Variants in MAGI1 observed in about 807,000 individuals in gnomAD.
The protein encoded by MAGI1 is membrane associated guanylate kinase, WW and PDZ domain containing 1.
A neutral mutation model predicts 139.9 loss-of-function variants in MAGI1; 58 were observed. That is an observed-to-expected ratio of 0.41 (90% CI 0.34 to 0.52). The LOEUF (loss-of-function observed/expected upper bound fraction) is 0.52, where lower values mean the gene tolerates loss of function less well. MAGI1 is among the 20% of genes least tolerant of loss of function. The probability of loss-of-function intolerance (pLI) is 0.12; values close to 1 mark genes in which losing one functional copy is unlikely to be tolerated. For synonymous variants in MAGI1, 812 were observed against 737.9 expected (o/e 1.10, Z -1.63); for missense variants, 1,874 against 1,901.6 (o/e 0.99, Z 0.27).
intron 1 of MAGI1, among the ~76,000 whole-genome samples, chr3:65,684,087 T>A (rs1278761843): frequency 1.3e-5 from 2 of 148,986 alleles, no homozygotes; most frequent in Non-Finnish European, 3.0e-5. Context: ...GGCAGGAGGA[T>A]TGCTTGAGCC....
intron 1 of MAGI1, among the ~76,000 whole-genome samples, chr3:65,715,708 C>T (rs995487554): frequency 1.8e-4 from 28 of 152,198 alleles, no homozygotes; most frequent in African/African-American, 6.5e-4. Context: ...CTCTCAGGCA[C>T]TCGCCATGCT....
intron 2 of MAGI1, among the ~76,000 whole-genome samples, chr3:65,602,536 G>T (rs2082530984): frequency 6.6e-6 from 1 of 152,046 alleles, no homozygotes; most frequent in South Asian, 2.1e-4. Context: ...ATAGCTGTGG[G>T]AGTTAGAAGG....
intron 1 of MAGI1, among the ~76,000 whole-genome samples, chr3:65,702,136 C>T (rs183289575): frequency 5.7e-4 from 86 of 152,176 alleles, no homozygotes; most frequent in African/African-American, 2.0e-3. Context: ...CCTGTGTTTA[C>T]GAGCGAGCCC....
chr3:66,037,690 ACTCT>A (rs900048433), intron 1 of MAGI1, among the ~76,000 whole-genome samples: 5 of 151,926 alleles, frequency 3.3e-5, no homozygotes, highest in African/African-American at 1.2e-4. Context: ...CAGTTCCCCA[ACTCT>A]CTCTCGGGTG....
chr3:65,423,237 T>C (rs890031928), intron 12 of MAGI1, among the ~76,000 whole-genome samples: 1 of 152,200 alleles, frequency 6.6e-6, no homozygotes, highest in Non-Finnish European at 1.5e-5. Flanking sequence ...CAGTACAATG[T>C]ACAATTCATT....
At chr3:65,597,468 C>A (rs1288287552) in intron 2 of MAGI1, among the ~76,000 whole-genome samples, 1 of 151,590 alleles carries the variant, frequency 6.6e-6, no homozygotes, top group Non-Finnish European at 1.5e-5. Context: ...CAGAGCCCGG[C>A]CTCTCCCTAT....
chr3:65,723,148 G>C (rs906253917), intron 1 of MAGI1, among the ~76,000 whole-genome samples: 1 of 152,146 alleles, frequency 6.6e-6, no homozygotes, highest in African/African-American at 2.4e-5. Context: ...CTAGTGGCCA[G>C]TGCTCAACAA....
intron 12 of MAGI1, among the ~76,000 whole-genome samples, chr3:65,408,679 TAGAGA>T (rs1945545006): frequency 6.6e-6 from 1 of 152,204 alleles, no homozygotes; most frequent in Admixed American, 6.5e-5. Context: ...CTTTGTTTAA[TAGAGA>T]ATATATAAGC....
intron 1 of MAGI1, among the ~76,000 whole-genome samples, chr3:66,009,584 T>C (rs1199889024): frequency 6.6e-6 from 1 of 152,118 alleles, no homozygotes; most frequent in Non-Finnish European, 1.5e-5. Context: ...AGGTAAACTT[T>C]CCAAGGTTCC....
chr3:65,479,678 G>T (rs1179633222), intron 3 of MAGI1, among the ~76,000 whole-genome samples: 2 of 152,006 alleles, frequency 1.3e-5, no homozygotes, highest in Admixed American at 1.3e-4. Context: ...AGTTTAAAAA[G>T]ACAGTTTTAT....
At chr3:65,589,414 T>G (rs1576408380) in intron 2 of MAGI1, among the ~76,000 whole-genome samples, 1 of 152,152 alleles carries the variant, frequency 6.6e-6, no homozygotes, top group East Asian at 1.9e-4. Flanking sequence ...CATGTCATCT[T>G]GGACCTCTTC....
intron 1 of MAGI1, among the ~76,000 whole-genome samples, chr3:65,699,733 G>A (rs1276839553): frequency 1.3e-4 from 15 of 116,804 alleles, no homozygotes; most frequent in Non-Finnish European, 2.3e-4. Context: ...GTGGTGGGGT[G>A]GGGGGAGGGG....
intron 12 of MAGI1, among the ~76,000 whole-genome samples, chr3:65,425,620 G>A (rs896632929): frequency 3.3e-5 from 5 of 152,098 alleles, no homozygotes; most frequent in Admixed American, 2.6e-4. Context: ...GTCAGCTCCT[G>A]GTATCCCAAG....
chr3:65,856,521 T>G (rs538446637), intron 1 of MAGI1, among the ~76,000 whole-genome samples: 1 of 152,294 alleles, frequency 6.6e-6, no homozygotes, highest in South Asian at 2.1e-4. Context: ...CCCAATGCTG[T>G]GTTCTTTCCT....
At chr3:65,817,158 A>G (rs770203379) in intron 1 of MAGI1, among the ~76,000 whole-genome samples, 9 of 152,208 alleles carry the variant, frequency 5.9e-5, no homozygotes, top group Non-Finnish European at 7.3e-5. Context: ...AATTTGAACT[A>G]CATGACTACA....
At chr3:65,543,763 G>A (rs112347955) in intron 2 of MAGI1, among the ~76,000 whole-genome samples, 25 of 151,930 alleles carry the variant, frequency 1.6e-4, no homozygotes, top group Non-Finnish European at 3.5e-4. Context: ...GATGGGGGGG[G>A]GTACAAGAGG....
intron 5 of MAGI1, among the ~76,000 whole-genome samples, chr3:65,453,596 T>G (rs529671054): frequency 6.6e-6 from 1 of 152,326 alleles, no homozygotes; most frequent in African/African-American, 2.4e-5. Context: ...ATACCAGTTT[T>G]ATTTTTGAAA....
intron 1 of MAGI1, among the ~76,000 whole-genome samples, chr3:65,908,950 A>G (rs13324957): frequency 0.48 from 73,567 of 152,080 alleles, 18,723 homozygotes; most frequent in East Asian, 0.75. Flanking sequence ...AATAAAAGTC[A>G]TAAATTTATG....
chr3:65,869,301 G>A (rs1213705368), intron 1 of MAGI1, among the ~76,000 whole-genome samples: 13 of 151,218 alleles, frequency 8.6e-5, no homozygotes, highest in Admixed American at 8.6e-4. Flanking sequence ...TTTATAATGT[G>A]TCATCTATCC....
Sources: gnomAD v4.1 joint callset for allele counts (sites outside exome capture counted in the v4.1 genomes callset) on GRCh38, gnomAD v4.1.1 for gene constraint, MANE v1.5 for transcripts, NCBI Gene and HGNC (gene_info 2026-07-23, HGNC 2026-07-21) for gene names.